The following TNK2 variants were observed in gnomAD, a reference collection of about 807,000 sequenced individuals.
TNK2 encodes activated CDC42 kinase 1.
In TNK2, 83 loss-of-function variants were observed where a neutral mutation model predicts 101.8. The ratio of observed to expected loss-of-function variants is 0.82; its 90% CI spans 0.68 to 0.98. TNK2 has a LOEUF of 0.98. TNK2 is among the 50% of genes least tolerant of loss of function. The pLI, the probability that TNK2 is intolerant of heterozygous loss-of-function variation, is 0.00. For synonymous variants in TNK2, 804 were observed against 633.0 expected, an observed-to-expected ratio of 1.27 and a Z score of -4.06; for missense variants, 1,665 against 1,483.2, an observed-to-expected ratio of 1.12 and a Z score of -2.01.
chr3:195,895,292 T>TC (rs1760125489), intron 1 of TNK2: 3 of 1,570,442 alleles, frequency 1.9e-6, no homozygotes, highest in Non-Finnish European at 2.6e-6. Context: ...AGCAGATCTC[T>TC]CCCCCATGGA....
chr3:195,869,982 G>A, intron 11 of TNK2, 132 bp downstream of exon 11: 1 of 713,562 alleles, frequency 1.4e-6, no homozygotes, highest in Non-Finnish European at 2.3e-6. Context: ...CAGGGACACA[G>A]CTGTCCCGCC....
chr3:195,881,857 A>T (rs1753279029), intron 6 of TNK2, among the ~76,000 whole-genome samples, 194 bp downstream of exon 6: 1 of 152,102 alleles, frequency 6.6e-6, no homozygotes, highest in Non-Finnish European at 1.5e-5. Context: ...CAGCACCCAG[A>T]CCCTGGCACG....
rs58113480 is a variant in TNK2, at chr3:195,887,955, CGTGTGTGT to C, written c.163+463_163+470del. Among the ~76,000 whole-genome samples the C allele has an allele frequency of 2.1e-3, 313 of 148,178 alleles. 1 individual carries two copies. The highest frequency in any genetic ancestry group is 3.9e-3 in the Admixed American group (58 of 15,006). On this transcript the variant is annotated intron_variant, in intron 2 of 15. Coordinates refer to ENST00000672887, the MANE Select transcript of TNK2 (RefSeq NM_001382273.1). Reference sequence around the variant, plus strand: ...GTGTGCGCATGTGCGTGTGTGCCTGCGTGTGTGTGTGTGTGTGTGTATGCCTGTGCGTG... The same window carrying C: ...GTGTGCGCATGTGCGTGTGTGCCTGCGTGTGTGTGTGTATGCCTGTGCGTG...
rs775356328 is a variant in TNK2 at position 195,867,218 on chromosome 3, G to A, written c.2984C>T (p.Ala995Val). 6.2e-7 allele frequency: 1 copy of A among 1,613,050 alleles called. No homozygotes were observed. Among genetic ancestry groups the A allele is most frequent in the South Asian group, 1.1e-5 (1 of 91,086 alleles). ...HGVTTEECQA[A>V]LQCHGWSVQR... The stretch of plus-strand genomic sequence containing the variant: ...CACGCTCCAGCCGTGGCACTGCAGG[G>A]CCGCCTGGCACTCCTCTGTGGTCAC... Residue 995 changes from alanine (A) to valine (V), a missense_variant, in exon 14 of 16, where the codon GCC (alanine) becomes GTC (valine). Physicochemically the swap from Ala to Val is moderately conservative, Grantham distance 64. Coordinates refer to ENST00000672887, the MANE Select transcript of TNK2 (RefSeq NM_001382273.1).
chr3:195,891,051 C>T (rs547624579), intron 1 of TNK2, among the ~76,000 whole-genome samples: 1 of 152,314 alleles, frequency 6.6e-6, no homozygotes, highest in South Asian at 2.1e-4. Context: ...GCTTGTTTCA[C>T]TGTACACAGG....
intron 4 of TNK2, chr3:195,883,539 G>A (rs574934886): frequency 3.8e-6 from 2 of 531,982 alleles, no homozygotes; most frequent in African/African-American, 1.9e-5. Context: ...TCCCCTTCCT[G>A]GGGGAATGCC....
Position 195,891,466 on chromosome 3 carries a change from G to A in TNK2, c.-18-2860C>T, listed in dbSNP as rs542673452. Among the ~76,000 whole-genome samples the A allele has an allele frequency of 6.6e-5, 10 of 152,368 alleles. No homozygotes were observed. The South Asian group carries it at 2.1e-3, about 32-fold the overall frequency. On this transcript the variant is annotated intron_variant, in intron 1 of 15. Coordinates refer to ENST00000672887, the MANE Select transcript of TNK2 (RefSeq NM_001382273.1). ...TACTATATGCGAGGAACAGTTCTAA[G>A]TATTAAGCTGTATTCATTTATCCTC...
chr3:195,867,660 G>T lies in TNK2; in HGVS notation c.2638C>A (p.Arg880=). 1 of 1,605,182 alleles carries T rather than the reference G, an allele frequency of 6.2e-7. No individual in the cohort carries two copies. ...TGGTAGCGCTCCAGGTAGGATGGTC[G>T]CTCGGGCAGCAAGTAATAGTGGGTG... ...SSTHYYLLPE[R]PSYLERYQRF... The change falls in exon 13 of 16, where the codon CGA becomes AGA. Residue 880 remains arginine, a synonymous_variant. Transcript: ENST00000672887.
rs369616835 is a variant in TNK2 at position 195,903,835 on chromosome 3, G to A, written c.-19+4650C>T. ...AAACTTTATTAGCAGATGACACGGC[G>A]CCCTATGTAGAAAATCCAAAGGAAG... is the stretch of plus-strand genomic sequence containing the variant. On this transcript the variant is annotated intron_variant, in intron 1 of 15. Transcript: ENST00000672887. 4.4e-4 allele frequency among the ~76,000 whole-genome samples: 67 copies of A among 152,266 alleles called. 1 individual carries two copies. The South Asian group carries it at 0.012, about 26-fold the overall frequency.
chr3:195,884,796 GAC>G lies in TNK2; in HGVS notation c.456+14_456+15del, dbSNP rs1319371161. 1 of 1,599,002 alleles carries G rather than the reference GAC, an allele frequency of 6.3e-7. No individual in the cohort carries two copies. Among genetic ancestry groups the G allele is most frequent in the Admixed American group, 1.7e-5 (1 of 58,876 alleles). On this transcript the variant is annotated intron_variant, in intron 4 of 15. Transcript: ENST00000672887. ...TCCCATGCCTCTGCTGCGCTGGCAG[GAC>G]ACAGAGAGCTCACCGTCTTCCCTGA...
At chr3:195,891,391 A>T (rs1486729943) in intron 1 of TNK2, among the ~76,000 whole-genome samples, 4 of 152,262 alleles carry the variant, frequency 2.6e-5, no homozygotes, top group African/African-American at 7.2e-5. Context: ...GGGCAACAAG[A>T]GCAAAACTCC....
At chr3:195,893,088 T>A (rs1759253920) in intron 1 of TNK2, among the ~76,000 whole-genome samples, 1 of 151,932 alleles carries the variant, frequency 6.6e-6, no homozygotes, top group East Asian at 1.9e-4. Flanking sequence ...GACTCCCTCA[T>A]GGACCTGTGT....
At position 195,878,279 on chromosome 3, in the gene TNK2, A is replaced by G. The variant is rs1560504642; in HGVS notation, c.1230T>C (p.Asn410=). Residue 410 remains asparagine, a synonymous_variant, in exon 9 of 16, where the codon AAT becomes AAC. Coordinates refer to ENST00000672887, the MANE Select transcript of TNK2 (RefSeq NM_001382273.1). The surrounding 1 kb of genome is among the most constrained non-coding windows in gnomAD (Gnocchi z 4.7). ...EEPDKLHIQM[N]DVITVIEGRA... The stretch of plus-strand genomic sequence containing the variant: ...TTCCCTCGATGACGGTGATGACATC[A>G]TTCATCTGGATGTGCAGCTTGTCCG... 6.2e-7 allele frequency: 1 copy of G among 1,614,128 alleles called. No individual in the cohort carries two copies. Among genetic ancestry groups the G allele is most frequent in the Non-Finnish European group, 8.5e-7 (1 of 1,180,006 alleles).
Position 195,882,274 on chromosome 3 carries a change from C to T in TNK2, c.664G>A (p.Gly222Ser), listed in dbSNP as rs1202675063. ...CTCAGAGTCCCCAGGAGGAAGTGGC[C>T]CTGGTGCTTACGTAGCCGGTCCAAC... Reference protein sequence around the residue: ...SLLDRLRKHQGHFLLGTLSRY... With the variant: ...SLLDRLRKHQSHFLLGTLSRY... The change falls in exon 6 of 16, where the codon GGC (glycine) becomes AGC (serine). Residue 222 changes from glycine to serine, a missense_variant. Around this residue, in one of 3 missense-constraint regions of TNK2, gnomAD observed 490 missense variants for 522.5 expected, o/e 0.94. Coordinates refer to ENST00000672887, the MANE Select transcript of TNK2 (RefSeq NM_001382273.1). This position sits in a 1 kb window ranked among gnomAD's most constrained non-coding sequence, Gnocchi z 4.2. 1 of 1,613,548 alleles carries T rather than the reference C, an allele frequency of 6.2e-7. No individual in the cohort carries two copies. Among genetic ancestry groups the T allele is most frequent in the Non-Finnish European group, 8.5e-7 (1 of 1,179,992 alleles).
chr3:195,893,880 G>C (rs941920115), intron 1 of TNK2, among the ~76,000 whole-genome samples: 1 of 152,174 alleles, frequency 6.6e-6, no homozygotes, highest in African/African-American at 2.4e-5. Flanking sequence ...GCCTCTCCCA[G>C]CACTTGACCT....
chr3:195,884,600 G>A (rs371167385), intron 4 of TNK2: 2 of 501,864 alleles, frequency 4.0e-6, no homozygotes, highest in Non-Finnish European at 3.5e-6. Flanking sequence ...CCGAGATCGT[G>A]CCTACTGCAC....
intron 10 of TNK2, among the ~76,000 whole-genome samples, chr3:195,870,973 G>GGGGTTCCAGTGTGTGTGGGCCCGCTGTGT (rs1744800015): frequency 7.7e-6 from 1 of 129,298 alleles, no homozygotes; most frequent in Non-Finnish European, 1.7e-5. Flanking sequence ...CTCGCTGTGT[G>GGGGTTCCAGTGTGTGTGGGCCCGCTGTGT]GGGTTCTGGT....
intron 2 of TNK2, among the ~76,000 whole-genome samples, chr3:195,887,955 C>CGTGTGT (rs58113480): frequency 6.8e-6 from 1 of 148,074 alleles, no homozygotes; most frequent in African/African-American, 2.5e-5. Flanking sequence ...TGTGTGCCTG[C>CGTGTGT]GTGTGTGTGT....
chr3:195,881,692 C>G (rs549512911), intron 6 of TNK2, among the ~76,000 whole-genome samples: 1 of 130,760 alleles, frequency 7.6e-6, no homozygotes, highest in African/African-American at 2.8e-5. Context: ...TATAACACCC[C>G]CCCGCCAGCA....
Sources: gnomAD v4.1 joint callset for allele counts (sites outside exome capture counted in the v4.1 genomes callset) on GRCh38, gnomAD v4.1.1 for gene constraint, gnomAD v4.1.1 regional missense constraint, Gnocchi (gnomAD v3.1) non-coding constraint, MANE v1.5 for transcripts, NCBI Gene and HGNC (gene_info 2026-07-23, HGNC 2026-07-21) for gene names.